The following TSHZ1 variants were observed in gnomAD, a reference collection of about 807,000 sequenced individuals.
TSHZ1 encodes teashirt zinc finger homeobox 1, also known as teashirt homolog 1.
Under a neutral mutation model 67.1 loss-of-function variants are expected in TSHZ1, and 12 were observed. The observed-to-expected ratio is 0.18, with a 90% CI of 0.11 to 0.29. TSHZ1 has a LOEUF of 0.29. Among genes scored for constraint, TSHZ1 ranks in the 10% least tolerant of loss-of-function variants. The pLI, the probability that TSHZ1 is intolerant of heterozygous loss-of-function variation, is 1.00. For synonymous variants in TSHZ1, 632 were observed against 622.4 expected (o/e 1.02, Z -0.23); for missense variants, 1,305 against 1,413.9 (o/e 0.92, Z 1.23).
At position 75,286,467 on chromosome 18, in the gene TSHZ1, C is replaced by T. The variant is rs144240769; in HGVS notation, c.1060C>T (p.Arg354Trp). 108 of 1,614,208 alleles carry T rather than the reference C, an allele frequency of 6.7e-5. 1 individual carries two copies. Among genetic ancestry groups the T allele is most frequent in the South Asian group, 4.4e-4 (40 of 91,082 alleles). ...CAAACTGGTCCCCTCCACCAAAAAG[C>T]GGGCGCTTCAGGACCTGGCGCCCCC... ...ITKLVPSTKK[R>W]ALQDLAPPCS... is the part of the protein sequence containing the mutation. Residue 354 changes from arginine (R) to tryptophan (W), a missense_variant, in exon 2 of 2, where the codon CGG becomes TGG. By Grantham distance (101) the Arg-to-Trp change is moderately radical (BLOSUM62 -3). Around this residue, in one of 3 missense-constraint regions of TSHZ1, gnomAD observed 909 missense variants for 961.8 expected, o/e 0.95. Coordinates refer to ENST00000580243, the MANE Select transcript of TSHZ1 (RefSeq NM_001308210.2). This position sits in a 1 kb window ranked among gnomAD's most constrained non-coding sequence, Gnocchi z 5.1.
chr18:75,288,869 C>A lies in TSHZ1; in HGVS notation c.*228C>A. 1 of 574,938 alleles carries A rather than the reference C, an allele frequency of 1.7e-6. No homozygotes were observed. Among genetic ancestry groups the A allele is most frequent in the Non-Finnish European group, 2.7e-6 (1 of 364,368 alleles). The allele number at this position is 574,938 out of a possible 1,614,324, so 35.6% of individuals were successfully genotyped here. A position where few individuals can be genotyped will look rare whatever the true frequency, so the allele number is the denominator to read the frequency against. Reference sequence around the variant, plus strand: ...CTGACCTTTATTTTCAACATCTGTTCTTGGTGTTAAGCTATCTTTTGTAGG... The same window carrying A: ...CTGACCTTTATTTTCAACATCTGTTATTGGTGTTAAGCTATCTTTTGTAGG... On this transcript the variant is annotated 3_prime_UTR_variant, in exon 2 of 2. Coordinates refer to ENST00000580243, the MANE Select transcript of TSHZ1 (RefSeq NM_001308210.2). This position sits in a 1 kb window ranked among gnomAD's most constrained non-coding sequence, Gnocchi z 4.9.
In TSHZ1 at chr18:75,288,184, G is replaced by A; in HGVS notation, c.2777G>A (p.Arg926Lys). 1 of 1,614,196 alleles carries A rather than the reference G, an allele frequency of 6.2e-7. No homozygotes were observed. The highest frequency in any genetic ancestry group is 1.3e-5 in the African/African-American group (1 of 75,060). Residue 926 changes from arginine to lysine, a missense_variant, in exon 2 of 2, where the codon AGG (arginine) becomes AAG (lysine). Coordinates refer to ENST00000580243, the MANE Select transcript of TSHZ1 (RefSeq NM_001308210.2). This position sits in a 1 kb window ranked among gnomAD's most constrained non-coding sequence, Gnocchi z 4.9. Reference sequence around the variant, plus strand: ...ATGTCGGACTTGGGCCCGCAGGAGAGGGTGCACATCTCGAAGTTTACTGGG... The same window carrying A: ...ATGTCGGACTTGGGCCCGCAGGAGAAGGTGCACATCTCGAAGTTTACTGGG... Reference protein sequence around the residue: ...YIMSDLGPQERVHISKFTGLS... With the variant: ...YIMSDLGPQEKVHISKFTGLS...
chr18:75,217,381 G>C (rs1194100418), intron 1 of TSHZ1, among the ~76,000 whole-genome samples: 1 of 150,992 alleles, frequency 6.6e-6, no homozygotes, highest in Non-Finnish European at 1.5e-5. Context: ...CTCCTCCAAG[G>C]GTTTTTTTTT....
chr18:75,251,888 C>T (rs2023308961), intron 1 of TSHZ1, among the ~76,000 whole-genome samples: 1 of 152,178 alleles, frequency 6.6e-6, no homozygotes, highest in African/African-American at 2.4e-5. Context: ...TTGCAGTCCC[C>T]ACCTTCTGTT....
At chr18:75,228,543 G>A (rs1246371070) in intron 1 of TSHZ1, among the ~76,000 whole-genome samples, 2 of 152,214 alleles carry the variant, frequency 1.3e-5, no homozygotes, top group South Asian at 2.1e-4. Context: ...AGGCTCTCCC[G>A]TGTCAGGAGC....
intron 1 of TSHZ1, among the ~76,000 whole-genome samples, chr18:75,265,998 G>A (rs2023486239): frequency 6.6e-6 from 1 of 152,160 alleles, no homozygotes; most frequent in Non-Finnish European, 1.5e-5. Flanking sequence ...CTTAATTAAA[G>A]CAAATGGTAT....
At chr18:75,262,557 T>G (rs772016208) in intron 1 of TSHZ1, among the ~76,000 whole-genome samples, 17 of 152,230 alleles carry the variant, frequency 1.1e-4, no homozygotes, top group Admixed American at 6.5e-4. Flanking sequence ...CTTTTAAACC[T>G]GAGAAAATAG....
chr18:75,212,095 C>T (rs965918332), intron 1 of TSHZ1, among the ~76,000 whole-genome samples, 179 bp downstream of exon 1: 2 of 152,094 alleles, frequency 1.3e-5, no homozygotes, highest in African/African-American at 4.8e-5. Context: ...CCCCACACCC[C>T]CAACCTGGGC....
At chr18:75,224,379 T>C (rs1807468610) in intron 1 of TSHZ1, among the ~76,000 whole-genome samples, 1 of 152,242 alleles carries the variant, frequency 6.6e-6, no homozygotes, top group South Asian at 2.1e-4. Context: ...CCTTCAGGAT[T>C]ATTTTATAAA....
intron 1 of TSHZ1, among the ~76,000 whole-genome samples, chr18:75,253,603 C>T (rs2023329497): frequency 6.6e-6 from 1 of 152,206 alleles, no homozygotes; most frequent in African/African-American, 2.4e-5. Context: ...AAAAGGAAAC[C>T]ATCTTCAGGT....
chr18:75,228,508 A>G (rs2022954571), intron 1 of TSHZ1, among the ~76,000 whole-genome samples: 1 of 152,218 alleles, frequency 6.6e-6, no homozygotes, highest in Admixed American at 6.5e-5. Context: ...GCGGCCATTT[A>G]TATTTAGGAA....
chr18:75,269,747 C>T (rs929861611), intron 1 of TSHZ1, among the ~76,000 whole-genome samples: 1 of 152,186 alleles, frequency 6.6e-6, no homozygotes, highest in Non-Finnish European at 1.5e-5. Context: ...CATCCATTCC[C>T]AGAACTTTTT....
chr18:75,219,785 T>C (rs2022821745), intron 1 of TSHZ1, among the ~76,000 whole-genome samples: 2 of 152,276 alleles, frequency 1.3e-5, no homozygotes, highest in Admixed American at 1.3e-4. Flanking sequence ...GGTCATTCTT[T>C]GCACACGTGA....
intron 1 of TSHZ1, among the ~76,000 whole-genome samples, chr18:75,276,011 G>A (rs2639971): frequency 0.19 from 28,119 of 151,844 alleles, 2,714 homozygotes; most frequent in South Asian, 0.35. Context: ...TTTTACATAC[G>A]GTTTAAGCTC....
At chr18:75,279,278 A>G (rs1041930841) in intron 1 of TSHZ1, among the ~76,000 whole-genome samples, 5 of 152,188 alleles carry the variant, frequency 3.3e-5, no homozygotes, top group South Asian at 2.1e-4. Context: ...TTAGCTAGTT[A>G]AAAAAATAGA....
chr18:75,250,110 G>A (rs2023279696), intron 1 of TSHZ1, among the ~76,000 whole-genome samples: 1 of 144,772 alleles, frequency 6.9e-6, no homozygotes, highest in Admixed American at 6.8e-5. Flanking sequence ...GGTGGGGGAC[G>A]CATGACCTCC....
At position 75,210,896 on chromosome 18, in the gene TSHZ1, AGG is replaced by A. The variant is rs372787732; in HGVS notation, c.-971_-970del. 6 of 79,842 alleles carry A rather than the reference AGG, an allele frequency of 7.5e-5. No individual in the cohort carries two copies. The highest frequency in any genetic ancestry group is 1.0e-4 in the Non-Finnish European group (4 of 39,522). The allele number at this position is 79,842 out of a possible 1,614,324, so 4.9% of individuals were successfully genotyped here. ...CATCTCCCTCTCTCCCAGGAGTTTGAGGGGGGGGGGGACAGTCCACGCTCATC... is the reference window on the plus strand; with the variant it reads ...CATCTCCCTCTCTCCCAGGAGTTTGAGGGGGGGGGACAGTCCACGCTCATC... On this transcript the variant is annotated 5_prime_UTR_variant, in exon 1 of 2. Transcript: ENST00000580243.
intron 1 of TSHZ1, among the ~76,000 whole-genome samples, chr18:75,275,707 C>G (rs1485426715): frequency 6.6e-6 from 1 of 152,164 alleles, no homozygotes; most frequent in Non-Finnish European, 1.5e-5. Flanking sequence ...TAGGATTTAT[C>G]TTTCCCCAGA....
intron 1 of TSHZ1, among the ~76,000 whole-genome samples, chr18:75,257,612 G>A (rs889457929): frequency 2.6e-5 from 4 of 151,322 alleles, no homozygotes; most frequent in South Asian, 4.2e-4. Context: ...CTTAGTGTTC[G>A]TAGACAGAAA....
Sources: gnomAD v4.1 joint callset for allele counts (sites outside exome capture counted in the v4.1 genomes callset) on GRCh38, gnomAD v4.1.1 for gene constraint, gnomAD v4.1.1 regional missense constraint, Gnocchi (gnomAD v3.1) non-coding constraint, MANE v1.5 for transcripts, NCBI Gene and HGNC (gene_info 2026-07-23, HGNC 2026-07-21) for gene names.